COL5A2: variants seen among roughly 807,000 people sequenced by gnomAD.
COL5A2 encodes collagen type V alpha 2 chain, also known as collagen alpha-2(V) chain.
A neutral mutation model predicts 208.2 loss-of-function variants in COL5A2; 23 were observed. That is an observed-to-expected ratio of 0.11 (90% CI 0.08 to 0.16). COL5A2 has a LOEUF of 0.16. Among genes scored for constraint, COL5A2 ranks in the 10% least tolerant of loss-of-function variants. COL5A2 has a pLI of 1.00. For missense variants in COL5A2, 1,590 were observed against 1,956.4 expected (o/e 0.81, Z 3.53); for synonymous variants, 625 against 628.5 (o/e 0.99, Z 0.08).
At chr2:189,321,984 A>C in the COL5A2 span, among the ~76,000 whole-genome samples, 1 of 152,236 alleles carries the variant, frequency 6.6e-6, no homozygotes, top group African/African-American at 2.4e-5. Flanking sequence ...TGTCTCTCAG[A>C]CCACAGTGCA....
chr2:189,326,208 A>G, the COL5A2 span, among the ~76,000 whole-genome samples: 1 of 152,192 alleles, frequency 6.6e-6, no homozygotes, highest in East Asian at 1.9e-4. Context: ...TTTTCAGTGC[A>G]ATGTTGAATA....
At chr2:189,434,359 G>C in the COL5A2 span, among the ~76,000 whole-genome samples, 2 of 152,082 alleles carry the variant, frequency 1.3e-5, no homozygotes, top group African/African-American at 4.8e-5. Flanking sequence ...GAAATAAAGG[G>C]TATTCAATTA....
rs1002012443 is a variant in COL5A2 at position 189,204,188 on chromosome 2, C to T, written c.-42+20960G>A. 1.3e-4 allele frequency among the ~76,000 whole-genome samples: 20 copies of T among 152,330 alleles called. 1 individual carries two copies. The highest frequency in any genetic ancestry group is 7.8e-4 in the Admixed American group (12 of 15,298). On this transcript the variant is annotated intron_variant, in intron 1 of 10. Coordinates refer to the COL5A2 transcript ENST00000649966. ...CTGGGATTACAGGCGTGAGCCACCG[C>T]GCCCAGCCAGAATGAAGCATTTTCA...
At chr2:189,061,203 T>G (rs1686025231) in intron 30 of COL5A2, among the ~76,000 whole-genome samples, 1 of 152,226 alleles carries the variant, frequency 6.6e-6, no homozygotes, top group South Asian at 2.1e-4. Context: ...TTATGAAACT[T>G]TGTTCAATAA....
intron 1 of COL5A2, among the ~76,000 whole-genome samples, chr2:189,146,602 A>G (rs914477954): frequency 6.6e-5 from 10 of 152,328 alleles, no homozygotes; most frequent in Non-Finnish European, 1.3e-4. Context: ...GCCATATAAA[A>G]TAATTTAATT....
intron 1 of COL5A2, among the ~76,000 whole-genome samples, chr2:189,142,946 T>C (rs1157958479): frequency 6.6e-6 from 1 of 152,178 alleles, no homozygotes; most frequent in African/African-American, 2.4e-5. Context: ...ATTATTTTTA[T>C]ATACCAATGA....
chr2:189,068,132 G>C lies in COL5A2; in HGVS notation c.1303-19C>G, dbSNP rs2105603791. 6.2e-7 allele frequency: 1 copy of C among 1,607,224 alleles called. No individual in the cohort carries two copies. Among genetic ancestry groups the C allele is most frequent in the East Asian group, 2.2e-5 (1 of 44,836 alleles). ...GAGAGCCCTATTAAACAGCAAGAGTGATGTGGTAAGTAGAGACACAGGTAG... is the reference window on the plus strand; with the variant it reads ...GAGAGCCCTATTAAACAGCAAGAGTCATGTGGTAAGTAGAGACACAGGTAG... On this transcript the variant is annotated intron_variant, in intron 20 of 53. Transcript: ENST00000374866.
upstream of COL5A2, among the ~76,000 whole-genome samples, chr2:189,183,432 A>G (rs1006895966): frequency 1.3e-5 from 2 of 152,028 alleles, no homozygotes; most frequent in African/African-American, 4.8e-5. Flanking sequence ...AAATCCCTTG[A>G]CTTTATTTCT....
chr2:189,039,729 G>T (rs1685519665), intron 50 of COL5A2, among the ~76,000 whole-genome samples, 166 bp from the exon 51 acceptor site: 1 of 151,952 alleles, frequency 6.6e-6, no homozygotes, highest in Non-Finnish European at 1.5e-5. Context: ...CTAACAGGCT[G>T]TAACATTCAA....
At chr2:189,215,075 G>T (rs1247692386) in intron 1 of COL5A2, among the ~76,000 whole-genome samples, 1 of 152,136 alleles carries the variant, frequency 6.6e-6, no homozygotes, top group Non-Finnish European at 1.5e-5. Context: ...ATAAATAGCA[G>T]ATCTAGCATC....
At chr2:189,096,914 A>C (rs1686930821) in intron 6 of COL5A2, among the ~76,000 whole-genome samples, 1 of 152,108 alleles carries the variant, frequency 6.6e-6, no homozygotes, top group Admixed American at 6.5e-5. Flanking sequence ...TTGAAAGAAA[A>C]TTTTATCCTC....
At chr2:189,438,795 A>ATG in the COL5A2 span, among the ~76,000 whole-genome samples, 1 of 152,196 alleles carries the variant, frequency 6.6e-6, no homozygotes, top group South Asian at 2.1e-4. Context: ...ATTTTATTGT[A>ATG]TGTAAATTTT....
chr2:189,342,329 G>C, the COL5A2 span, among the ~76,000 whole-genome samples: 3 of 147,958 alleles, frequency 2.0e-5, no homozygotes, highest in Admixed American at 6.7e-5. Context: ...CAAGCCTTCT[G>C]TTAGAAACTA....
intron 29 of COL5A2, among the ~76,000 whole-genome samples, chr2:189,061,972 T>C (rs1272468438): frequency 6.6e-6 from 1 of 152,172 alleles, no homozygotes; most frequent in African/African-American, 2.4e-5. Context: ...AGTTTATTTC[T>C]GAATGTCTTA....
chr2:189,052,635 C>T (rs1685815210), intron 40 of COL5A2, 114 bp downstream of exon 40: 2 of 1,030,646 alleles, frequency 1.9e-6, no homozygotes, highest in Admixed American at 3.8e-5. Context: ...ACAGTTGATA[C>T]AGGTAATAAT....
At chr2:189,193,478 T>C (rs1463837746) in intron 1 of COL5A2, among the ~76,000 whole-genome samples, 1 of 152,230 alleles carries the variant, frequency 6.6e-6, no homozygotes, top group Non-Finnish European at 1.5e-5. Flanking sequence ...TCTTTGTTGA[T>C]GGAACGGTGA....
intron 1 of COL5A2, among the ~76,000 whole-genome samples, chr2:189,161,514 T>C (rs1688363419): frequency 6.6e-6 from 1 of 152,232 alleles, no homozygotes; most frequent in Non-Finnish European, 1.5e-5. Flanking sequence ...ATAGCTAAAT[T>C]ATGCATAAGA....
chr2:189,271,689 T>A, the COL5A2 span, among the ~76,000 whole-genome samples: 2 of 151,940 alleles, frequency 1.3e-5, no homozygotes, highest in African/African-American at 4.8e-5. Flanking sequence ...AGCTTCTGCA[T>A]AACAAAAGAA....
chr2:189,092,993 A>C (rs186054897), intron 6 of COL5A2, among the ~76,000 whole-genome samples: 1 of 152,232 alleles, frequency 6.6e-6, no homozygotes, highest in African/African-American at 2.4e-5. Flanking sequence ...AGTCCTCTTT[A>C]ATACTTTAAA....
Sources: allele counts gnomAD v4.1 joint callset (sites outside exome capture counted in the v4.1 genomes callset), GRCh38; gene constraint gnomAD v4.1.1; transcripts MANE v1.5; gene names NCBI Gene and HGNC (gene_info 2026-07-23, HGNC 2026-07-21).